Variants in TYR observed in about 807,000 individuals in gnomAD.
TYR encodes the protein LB24-AB.
TYR carries 58 observed loss-of-function variants against 51.5 expected under a neutral mutation model. That is an observed-to-expected ratio of 1.13 (90% confidence interval 0.91 to 1.40). TYR has a LOEUF of 1.40. Among genes scored for constraint, TYR ranks in the 40% most tolerant of loss-of-function variants. The pLI is 0.00. For missense variants in TYR, 732 were observed against 647.4 expected (o/e 1.13, Z -1.42); for synonymous variants, 263 against 235.2 (o/e 1.12, Z -1.08).
intron 3 of TYR, among the ~76,000 whole-genome samples, chr11:89,280,954 A>G (rs1484390119): frequency 6.6e-6 from 1 of 151,672 alleles, no homozygotes; most frequent in Non-Finnish European, 1.5e-5. Context: ...TCTTCCTCAG[A>G]GATAGTTCAT....
intron 2 of TYR, among the ~76,000 whole-genome samples, chr11:89,197,286 A>C (rs1943533027): frequency 6.6e-6 from 1 of 152,134 alleles, no homozygotes; most frequent in African/African-American, 2.4e-5. Context: ...GTGTCTCTCA[A>C]TCTTCTTGAA....
intron 3 of TYR, among the ~76,000 whole-genome samples, chr11:89,257,705 A>G (rs1944410185): frequency 2.6e-5 from 4 of 152,028 alleles, no homozygotes; most frequent in Non-Finnish European, 1.5e-5. Flanking sequence ...CATTTTATTT[A>G]TGTATTTTTT....
At chr11:89,188,316 T>C (rs1199987696) in intron 1 of TYR, among the ~76,000 whole-genome samples, 2 of 152,150 alleles carry the variant, frequency 1.3e-5, no homozygotes, top group African/African-American at 4.8e-5. Context: ...TATGTATTCT[T>C]GTATTCTGGT....
Position 89,288,902 on chromosome 11 carries a change from C to A in TYR, c.1366+3948C>A, listed in dbSNP as rs543339916. 1.4e-4 allele frequency among the ~76,000 whole-genome samples: 21 copies of A among 152,126 alleles called. 2 individuals are homozygous for A. The highest frequency in any genetic ancestry group is 4.8e-4 in the African/African-American group (20 of 41,516). On this transcript the variant is annotated intron_variant, in intron 4 of 4. Transcript: ENST00000263321. ...CTTACTAAAAAATTATTTAAGATTT[C>A]TTGATATAATTTTGTTCAAGGGGAT...
intron 3 of TYR, among the ~76,000 whole-genome samples, chr11:89,242,395 A>T (rs1046796108): frequency 2.0e-5 from 3 of 151,758 alleles, no homozygotes; most frequent in African/African-American, 7.3e-5. Context: ...TTTTTTTAGT[A>T]GAGGCAGGGT....
At chr11:89,285,820 C>T (rs530964097) in intron 4 of TYR, among the ~76,000 whole-genome samples, 2 of 151,756 alleles carry the variant, frequency 1.3e-5, no homozygotes, top group Admixed American at 6.6e-5. Flanking sequence ...CTCATCTCAC[C>T]GCACTGTAAT....
intron 2 of TYR, among the ~76,000 whole-genome samples, chr11:89,213,117 G>T (rs1376137453): frequency 6.6e-6 from 1 of 152,156 alleles, no homozygotes; most frequent in African/African-American, 2.4e-5. Context: ...AGAAAAAAAG[G>T]ATATTGAAAT....
chr11:89,284,764 C>G lies in TYR; in HGVS notation c.1185-9C>G. The G allele has an allele frequency of 6.2e-7, 1 of 1,610,952 alleles. No homozygotes were observed. The highest frequency in any genetic ancestry group is 1.1e-5 in the South Asian group (1 of 91,006). ...TGTTTCTTAGTCTGAATAACCTTTT[C>G]CTCTGCAGTATTTTTGAGCAGTGGC... On this transcript the variant is annotated splice_polypyrimidine_tract_variant and intron_variant, in intron 3 of 4. Transcript: ENST00000263321.
intron 2 of TYR, among the ~76,000 whole-genome samples, chr11:89,192,249 A>T (rs12792959): frequency 0.16 from 24,481 of 152,080 alleles, 2,406 homozygotes; most frequent in African/African-American, 0.28. Flanking sequence ...CATGAAACCC[A>T]TTTCACTCAC....
At position 89,285,017 on chromosome 11, in the gene TYR, A is replaced by G. The variant is rs998364767; in HGVS notation, c.1366+63A>G. 10 of 1,416,828 alleles carry G rather than the reference A, an allele frequency of 7.1e-6. No individual in the cohort carries two copies. The African/African-American group carries it at 1.4e-4, about 20-fold the overall frequency. 87.8% of individuals were successfully genotyped at this position (1,416,828 alleles called of 1,614,324 possible). On this transcript the variant is annotated intron_variant, in intron 4 of 4. Transcript: ENST00000263321. ...AGTGTTACCAATTTATTTTGAGATAACACAAAACTTTATGCTTCGACAATG... is the reference window on the plus strand; with the variant it reads ...AGTGTTACCAATTTATTTTGAGATAGCACAAAACTTTATGCTTCGACAATG...
intron 3 of TYR, among the ~76,000 whole-genome samples, chr11:89,272,356 G>A (rs1280940187): frequency 6.6e-6 from 1 of 151,742 alleles, no homozygotes; most frequent in East Asian, 1.9e-4. Context: ...GAGCTCTTGG[G>A]TGACCTTGTC....
At chr11:89,286,792 G>T (rs1405678926) in intron 4 of TYR, among the ~76,000 whole-genome samples, 1 of 151,838 alleles carries the variant, frequency 6.6e-6, no homozygotes, top group East Asian at 1.9e-4. Flanking sequence ...AAGGGTGGAG[G>T]TGTGGTAAGA....
chr11:89,287,124 C>A (rs1944798273), intron 4 of TYR, among the ~76,000 whole-genome samples: 1 of 151,726 alleles, frequency 6.6e-6, no homozygotes, highest in African/African-American at 2.4e-5. Context: ...GTGTATGAAT[C>A]TGTCCTGGGT....
chr11:89,208,403 TTTA>T (rs1161326205), intron 2 of TYR, among the ~76,000 whole-genome samples: 3 of 152,234 alleles, frequency 2.0e-5, no homozygotes, highest in Non-Finnish European at 2.9e-5. Context: ...AATACTTACT[TTTA>T]TTTATTGACC....
chr11:89,228,943 C>G (rs941853084), intron 3 of TYR, among the ~76,000 whole-genome samples: 1 of 151,764 alleles, frequency 6.6e-6, no homozygotes, highest in African/African-American at 2.4e-5. Flanking sequence ...TCTTTGTCCC[C>G]TCTACAGTAA....
rs542586317 is a variant in TYR, at chr11:89,191,553, C to T, written c.1036+135C>T. ...GAATATGTGTTGTATATACTTATAT[C>T]GACAATGACCCTAGCTGACACTGGT... On this transcript the variant is annotated intron_variant, in intron 2 of 4. Transcript: ENST00000263321. The T allele has an allele frequency of 9.5e-5, 77 of 813,166 alleles. 1 individual carries two copies. Among genetic ancestry groups the T allele is most frequent in the South Asian group, 2.6e-4 (16 of 61,176 alleles). 50.4% of individuals were successfully genotyped at this position (813,166 alleles called of 1,614,324 possible).
chr11:89,247,457 C>T (rs1375601371), intron 3 of TYR, among the ~76,000 whole-genome samples: 1 of 152,146 alleles, frequency 6.6e-6, no homozygotes, highest in Non-Finnish European at 1.5e-5. Context: ...ACATCATGTA[C>T]TATAACTAAC....
chr11:89,294,985 T>C (rs1944890323), intron 4 of TYR, among the ~76,000 whole-genome samples, 158 bp from the exon 5 acceptor site: 1 of 151,998 alleles, frequency 6.6e-6, no homozygotes, highest in Non-Finnish European at 1.5e-5. Flanking sequence ...GGCTTTGGAG[T>C]ATTAGGTGTA....
chr11:89,228,435 C>G (rs781562768), intron 3 of TYR, among the ~76,000 whole-genome samples: 1 of 152,134 alleles, frequency 6.6e-6, no homozygotes, highest in South Asian at 2.1e-4. Flanking sequence ...GGGCAGCCTT[C>G]TAAAGGCTTC....
Sources: allele counts gnomAD v4.1 joint callset (sites outside exome capture counted in the v4.1 genomes callset), GRCh38; gene constraint gnomAD v4.1.1; transcripts MANE v1.5; gene names NCBI Gene and HGNC (gene_info 2026-07-23, HGNC 2026-07-21).